RNF121: variants seen among roughly 807,000 people sequenced by gnomAD.
RNF121 encodes the protein ring finger protein 121, also known as E3 ubiquitin ligase RNF121.
A neutral mutation model predicts 46.5 loss-of-function variants in RNF121; 21 were observed. That is an observed-to-expected ratio of 0.45 (90% CI 0.32 to 0.65). The LOEUF is 0.65. Ranked by LOEUF, RNF121 falls within the 30% of genes least tolerant of loss-of-function variation. RNF121 has a pLI of 0.04. For synonymous variants in RNF121, 139 were observed against 144.7 expected (o/e 0.96, Z 0.28); for missense variants, 346 against 416.0 (o/e 0.83, Z 1.46).
At chr11:71,977,564 T>C (rs774900248) in intron 3 of RNF121, among the ~76,000 whole-genome samples, 1 of 152,252 alleles carries the variant, frequency 6.6e-6, no homozygotes, top group Admixed American at 6.5e-5. Flanking sequence ...ATTGCTATTC[T>C]TGTCCCTCAG....
chr11:71,933,738 G>C (rs1953331778), intron 1 of RNF121, among the ~76,000 whole-genome samples: 1 of 152,198 alleles, frequency 6.6e-6, no homozygotes, highest in Non-Finnish European at 1.5e-5. Flanking sequence ...TGAGAGAGCA[G>C]AGTCCAAGTG....
intron 1 of RNF121, chr11:71,938,880 C>G (rs553096961): frequency 6.6e-6 from 1 of 152,448 alleles, no homozygotes; most frequent in East Asian, 1.9e-4. Context: ...TGTTTGATGA[C>G]CAGATAATCT....
intron 5 of RNF121, 123 bp from the exon 6 acceptor site, chr11:71,990,474 C>A: frequency 8.1e-7 from 1 of 1,239,614 alleles, no homozygotes; most frequent in Non-Finnish European, 1.1e-6. Context: ...TCATAGTTTG[C>A]CCGCACTTGC....
At chr11:71,976,579 C>T (rs1954531523) in intron 3 of RNF121, among the ~76,000 whole-genome samples, 1 of 151,946 alleles carries the variant, frequency 6.6e-6, no homozygotes, top group Non-Finnish European at 1.5e-5. Flanking sequence ...AGTATGGTCT[C>T]GATCTCTTGA....
intron 3 of RNF121, among the ~76,000 whole-genome samples, chr11:71,965,703 A>T (rs1319436099): frequency 1.3e-5 from 2 of 152,204 alleles, no homozygotes; most frequent in Non-Finnish European, 2.9e-5. Context: ...TATAGAATGC[A>T]CTCCTAGAAA....
chr11:71,986,785 A>AG (rs1565161341), intron 4 of RNF121, among the ~76,000 whole-genome samples: 1 of 151,568 alleles, frequency 6.6e-6, no homozygotes, highest in African/African-American at 2.4e-5. Flanking sequence ...AAAAAAAAAA[A>AG]AAAAGAAAAA....
intron 3 of RNF121, chr11:71,962,274 A>C (rs1954155690): frequency 1.0e-6 from 1 of 984,124 alleles, no homozygotes; most frequent in South Asian, 4.7e-5. Context: ...GATTTTTACA[A>C]CCTATTCTGA....
At chr11:71,930,130 G>T (rs917315880) in intron 1 of RNF121, among the ~76,000 whole-genome samples, 12 of 152,224 alleles carry the variant, frequency 7.9e-5, no homozygotes, top group Non-Finnish European at 1.5e-4. Context: ...GAGAAGCAGA[G>T]ACAGAGGTGA....
At chr11:71,933,420 C>T (rs1953324164) in intron 1 of RNF121, among the ~76,000 whole-genome samples, 1 of 152,052 alleles carries the variant, frequency 6.6e-6, no homozygotes. Flanking sequence ...GAATAATTTA[C>T]CTCTCTTTGG....
At chr11:71,980,837 C>G (rs549000268) in intron 3 of RNF121, among the ~76,000 whole-genome samples, 1 of 151,758 alleles carries the variant, frequency 6.6e-6, no homozygotes, top group Admixed American at 6.6e-5. Flanking sequence ...GCCTTAGTAC[C>G]AAAAAAAGTA....
At chr11:71,942,132 A>G (rs2134153930) in intron 1 of RNF121, among the ~76,000 whole-genome samples, 1 of 151,854 alleles carries the variant, frequency 6.6e-6, no homozygotes, top group Admixed American at 6.6e-5. Context: ...ACGGGGTTTC[A>G]CCATGTTAGC....
chr11:71,989,296 G>C (rs1355913546), intron 5 of RNF121, among the ~76,000 whole-genome samples: 1 of 152,136 alleles, frequency 6.6e-6, no homozygotes, highest in African/African-American at 2.4e-5. Context: ...GGCGAGGCTG[G>C]TTTCGAACTC....
intron 1 of RNF121, among the ~76,000 whole-genome samples, chr11:71,929,911 C>T (rs1953228943): frequency 6.6e-6 from 1 of 152,094 alleles, no homozygotes; most frequent in Non-Finnish European, 1.5e-5. Flanking sequence ...GAAGGCTTCC[C>T]GGAGTTGCTG....
chr11:71,934,130 G>A (rs946568199), intron 1 of RNF121, among the ~76,000 whole-genome samples: 4 of 147,752 alleles, frequency 2.7e-5, no homozygotes, highest in Non-Finnish European at 4.5e-5. Context: ...GGACTATTCC[G>A]ATCTACACTG....
intron 3 of RNF121, among the ~76,000 whole-genome samples, chr11:71,965,657 A>T (rs1484929216): frequency 1.3e-5 from 2 of 152,234 alleles, no homozygotes; most frequent in East Asian, 3.8e-4. Flanking sequence ...TAAGCTTCTC[A>T]TACATAAATT....
intron 4 of RNF121, 131 bp from the exon 5 acceptor site, chr11:71,986,873 A>T: frequency 1.6e-6 from 1 of 632,502 alleles, no homozygotes; most frequent in Admixed American, 2.6e-5. Context: ...ATAGTAACTG[A>T]AGTTGCTCAG....
At chr11:71,963,189 A>C (rs112341121) in intron 3 of RNF121, among the ~76,000 whole-genome samples, 1 of 152,154 alleles carries the variant, frequency 6.6e-6, no homozygotes, top group Non-Finnish European at 1.5e-5. Flanking sequence ...GTGTCCTTTG[A>C]TGCATAAACA....
chr11:71,962,303 TA>T (rs1474528727), intron 3 of RNF121: 1 of 984,378 alleles, frequency 1.0e-6, no homozygotes, highest in Non-Finnish European at 1.2e-6. Flanking sequence ...AGTATGCATA[TA>T]TGCACTGCAG....
chr11:71,984,745 A>ATTTTTTTTTTTTTTTT (rs56134788), intron 4 of RNF121, among the ~76,000 whole-genome samples: 8 of 94,866 alleles, frequency 8.4e-5, no homozygotes, highest in African/African-American at 2.2e-4. Context: ...CACCCGGCTA[A>ATTTTTTTTTTTTTTTT]TTTTTTTTTT....
Sources: allele counts gnomAD v4.1 joint callset (sites outside exome capture counted in the v4.1 genomes callset), GRCh38; gene constraint gnomAD v4.1.1; transcripts MANE v1.5; gene names NCBI Gene and HGNC (gene_info 2026-07-23, HGNC 2026-07-21).